FRY: variants seen among roughly 807,000 people sequenced by gnomAD.
The protein encoded by FRY is FRY microtubule binding protein.
Under a neutral mutation model 348.4 loss-of-function variants are expected in FRY, and 128 were observed. That is an observed-to-expected ratio of 0.37 (90% confidence interval 0.32 to 0.43). FRY has a LOEUF of 0.43. Among genes scored for constraint, FRY ranks in the 20% least tolerant of loss-of-function variants. The pLI is 1.00. For missense variants in FRY, 2,736 were observed against 3,695.2 expected (o/e 0.74, Z 6.73); for synonymous variants, 1,370 against 1,374.7 (o/e 1.00, Z 0.08).
At chr13:32,280,375 C>T (rs1021208843) in intron 58 of FRY, among the ~76,000 whole-genome samples, 2 of 152,208 alleles carry the variant, frequency 1.3e-5, no homozygotes, top group South Asian at 4.1e-4. Context: ...TGTCCTGTCT[C>T]AGATGATTTG....
chr13:32,183,991 C>T (rs1005142814), intron 24 of FRY, among the ~76,000 whole-genome samples: 4 of 151,316 alleles, frequency 2.6e-5, no homozygotes, highest in East Asian at 2.0e-4. Context: ...TTAAATTAGC[C>T]GGGTGTGGTG....
At chr13:32,193,213 T>C (rs185054858) in intron 28 of FRY, among the ~76,000 whole-genome samples, 22 of 151,432 alleles carry the variant, frequency 1.5e-4, no homozygotes, top group Admixed American at 1.3e-3. Context: ...TAAAAAACTT[T>C]GATTAAAAAG....
chr13:32,202,299 T>C, intron 30 of FRY, 57 bp from the exon 31 acceptor site: 1 of 1,272,230 alleles, frequency 7.9e-7, no homozygotes, highest in East Asian at 2.3e-5. Flanking sequence ...CAAATGCTCA[T>C]GAGATATCCA....
chr13:32,134,762 C>T (rs1399755939), intron 8 of FRY, 142 bp from the exon 9 acceptor site: 2 of 726,552 alleles, frequency 2.8e-6, no homozygotes, highest in Non-Finnish European at 5.0e-6. Context: ...ATGTTTGAAT[C>T]CAGTGATTTT....
chr13:32,069,457 C>A (rs1232375968), intron 1 of FRY, among the ~76,000 whole-genome samples: 2 of 152,126 alleles, frequency 1.3e-5, no homozygotes, highest in Non-Finnish European at 2.9e-5. Context: ...TACACCAGAG[C>A]AAAACCTATG....
chr13:32,079,139 TA>T, intron 2 of FRY, 106 bp downstream of exon 2: 1 of 850,428 alleles, frequency 1.2e-6, no homozygotes, highest in Non-Finnish European at 2.0e-6. Flanking sequence ...CTCTGGTTTG[TA>T]AAGGTTCTTT....
At position 32,184,465 on chromosome 13, in the gene FRY, G is replaced by C. The variant is rs1038850795; in HGVS notation, c.3055-135G>C. On this transcript the variant is annotated intron_variant, in intron 24 of 60. Coordinates refer to ENST00000542859, the MANE Select transcript of FRY (RefSeq NM_023037.3). ...ATTTCCTCTGAGGATTAGGAAGAAAGAAAAATGTATGCTGACTTTTATGCT... is the reference window on the plus strand; with the variant it reads ...ATTTCCTCTGAGGATTAGGAAGAAACAAAAATGTATGCTGACTTTTATGCT... The C allele has an allele frequency of 8.8e-6, 6 of 678,100 alleles. No individual in the cohort carries two copies. The African/African-American group carries it at 1.1e-4, about 12-fold the overall frequency. 42.0% of individuals were successfully genotyped at this position (678,100 alleles called of 1,614,324 possible).
chr13:32,180,696 C>T (rs1341541688), intron 23 of FRY, among the ~76,000 whole-genome samples: 1 of 152,154 alleles, frequency 6.6e-6, no homozygotes, highest in Non-Finnish European at 1.5e-5. Context: ...TGGTTTGCCT[C>T]TGATGACTTT....
intron 17 of FRY, among the ~76,000 whole-genome samples, chr13:32,168,412 C>A (rs192537375): frequency 7.1e-4 from 108 of 152,322 alleles, no homozygotes; most frequent in African/African-American, 2.6e-3. Flanking sequence ...TTAATCTCAT[C>A]CACAAACATC....
At chr13:32,152,400 G>C (rs143683450) in intron 14 of FRY, among the ~76,000 whole-genome samples, 3 of 152,302 alleles carry the variant, frequency 2.0e-5, no homozygotes, top group African/African-American at 7.2e-5. Context: ...GATCAAGGCA[G>C]TGTAGTATTG....
rs1327772106 is a variant in FRY at position 32,210,979 on chromosome 13, C to T, written c.4536C>T (p.Asp1512=). The stretch of plus-strand genomic sequence containing the variant: ...TGAACCCCATCGTCCAGCATTGTGA[C>T]AACCCGCCCTTCTACCGCTTCACGG... ...EPVNPIVQHC[D]NPPFYRFTAS... The change falls in exon 34 of 61, where the codon GAC becomes GAT. Residue 1512 remains aspartate, a synonymous_variant. Transcript: ENST00000542859. 6.2e-6 allele frequency: 10 copies of T among 1,613,906 alleles called. No individual in the cohort carries two copies. The highest frequency in any genetic ancestry group is 7.6e-6 in the Non-Finnish European group (9 of 1,179,878).
At position 32,158,975 on chromosome 13, in the gene FRY, AAG is replaced by A. The variant is rs1284790969; in HGVS notation, c.1784+1573_1784+1574del. On this transcript the variant is annotated intron_variant, in intron 16 of 60. Coordinates refer to ENST00000542859, the MANE Select transcript of FRY (RefSeq NM_023037.3). ...TCAAAAAAAAAAAAAAAAAAAAAAA[AAG>A]AGCTTTAAAGGACAACCATATTCGT... Among the ~76,000 whole-genome samples, 43 of 147,904 alleles carry A rather than the reference AAG, an allele frequency of 2.9e-4. No individual in the cohort carries two copies. In the South Asian group the frequency reaches 4.2e-3, roughly 14 times the overall value.
At chr13:32,262,544 TC>T (rs1454220714) in intron 53 of FRY, 69 bp downstream of exon 53, 5 of 1,214,116 alleles carry the variant, frequency 4.1e-6, no homozygotes, top group Non-Finnish European at 6.1e-6. Flanking sequence ...CTTCCAATTT[TC>T]TGAGAATTCT....
intron 1 of FRY, among the ~76,000 whole-genome samples, chr13:32,036,475 T>G (rs1401851779): frequency 1.4e-5 from 2 of 141,252 alleles, no homozygotes; most frequent in Non-Finnish European, 3.0e-5. Flanking sequence ...AATCAGAGGG[T>G]TTTTTTTTTC....
At chr13:32,119,776 C>T (rs1878535974) in intron 4 of FRY, among the ~76,000 whole-genome samples, 1 of 152,124 alleles carries the variant, frequency 6.6e-6, no homozygotes, top group South Asian at 2.1e-4. Context: ...TCCAGTGGGT[C>T]TTGAAGGACT....
intron 49 of FRY, among the ~76,000 whole-genome samples, chr13:32,250,211 G>A (rs2138505378): frequency 6.6e-6 from 1 of 152,330 alleles, no homozygotes; most frequent in South Asian, 2.1e-4. Context: ...TGTCATCACA[G>A]CATAGCAGAG....
intron 1 of FRY, among the ~76,000 whole-genome samples, chr13:32,070,484 T>C (rs1874574313): frequency 6.6e-6 from 1 of 152,180 alleles, no homozygotes; most frequent in Non-Finnish European, 1.5e-5. Context: ...TGAGCATTTT[T>C]TCACGTCTGT....
At chr13:32,238,764 T>TG (rs1358878926) in intron 44 of FRY, among the ~76,000 whole-genome samples, 1 of 152,302 alleles carries the variant, frequency 6.6e-6, no homozygotes, top group African/African-American at 2.4e-5. Context: ...AACCAGATTT[T>TG]TAATGCCATG....
chr13:32,108,129 G>T (rs537446522), intron 3 of FRY, among the ~76,000 whole-genome samples: 53 of 152,320 alleles, frequency 3.5e-4, no homozygotes, highest in Non-Finnish European at 6.8e-4. Flanking sequence ...AGATCTGGAA[G>T]AGGGTCAGGC....
Sources: allele counts gnomAD v4.1 joint callset (sites outside exome capture counted in the v4.1 genomes callset), GRCh38; gene constraint gnomAD v4.1.1; transcripts MANE v1.5; gene names NCBI Gene and HGNC (gene_info 2026-07-23, HGNC 2026-07-21).